SLC25A21: variants seen among roughly 807,000 people sequenced by gnomAD.
The protein encoded by SLC25A21 is solute carrier family 25 member 21, also known as mitochondrial 2-oxodicarboxylate carrier.
In SLC25A21, 47 loss-of-function variants were observed where a neutral mutation model predicts 43.8. The observed-to-expected ratio is 1.07, with a 90% confidence interval of 0.85 to 1.37. The LOEUF (loss-of-function observed/expected upper bound fraction) is 1.37, where lower values mean the gene tolerates loss of function less well. Among genes scored for constraint, SLC25A21 ranks in the 40% most tolerant of loss-of-function variants. The pLI, the probability that SLC25A21 is intolerant of heterozygous loss-of-function variation, is 0.00. For synonymous variants in SLC25A21, 131 were observed against 121.3 expected, an observed-to-expected ratio of 1.08 and a Z score of -0.52; for missense variants, 352 against 350.2, an observed-to-expected ratio of 1.00 and a Z score of -0.04.
intron 1 of SLC25A21, among the ~76,000 whole-genome samples, chr14:37,162,419 A>T (rs192947040): frequency 0.01 from 671 of 64,630 alleles, 1 homozygote; most frequent in Non-Finnish European, 0.012. Context: ...TCCAGAATCT[A>T]CAATGAACTC....
At chr14:36,875,170 G>A (rs1231057176) in intron 1 of SLC25A21, among the ~76,000 whole-genome samples, 166 bp from the exon 2 acceptor site, 2 of 152,222 alleles carry the variant, frequency 1.3e-5, no homozygotes, top group African/African-American at 4.8e-5. Context: ...AGCATAATAT[G>A]ATTTTATTTC....
At chr14:37,148,755 A>T (rs1385894815) in intron 1 of SLC25A21, among the ~76,000 whole-genome samples, 1 of 152,128 alleles carries the variant, frequency 6.6e-6, no homozygotes, top group African/African-American at 2.4e-5. Context: ...AGAGGGGCTC[A>T]CTCTTCATAA....
chr14:36,938,015 A>AT lies in SLC25A21; in HGVS notation c.71-63012dup, dbSNP rs1177254267. On this transcript the variant is annotated intron_variant, in intron 1 of 9. Transcript: ENST00000331299. ...GAAGAACAACTTTTTTTAAAAAAAA[A>AT]TTTTTTTTAATGGCAACTCGATATA... is the stretch of plus-strand genomic sequence containing the variant. Among the ~76,000 whole-genome samples, 7 of 152,080 alleles carry AT rather than the reference A, an allele frequency of 4.6e-5. No individual in the cohort carries two copies. In the South Asian group the frequency reaches 1.0e-3, roughly 23 times the overall value.
At chr14:36,868,927 C>T (rs1002867066) in intron 2 of SLC25A21, among the ~76,000 whole-genome samples, 1 of 152,176 alleles carries the variant, frequency 6.6e-6, no homozygotes, top group Non-Finnish European at 1.5e-5. Flanking sequence ...GTGGCTGCAT[C>T]CTGAGGCTCC....
intron 2 of SLC25A21, among the ~76,000 whole-genome samples, chr14:36,864,474 T>C (rs527750009): frequency 5.3e-5 from 8 of 152,344 alleles, no homozygotes; most frequent in African/African-American, 1.7e-4. Context: ...ATCAATACAG[T>C]ATTGTGGTCC....
intron 1 of SLC25A21, among the ~76,000 whole-genome samples, chr14:36,891,101 C>A (rs1177461702): frequency 2.0e-5 from 3 of 152,196 alleles, no homozygotes; most frequent in South Asian, 4.1e-4. Flanking sequence ...GAATGAAAAA[C>A]CTATTTTAAA....
chr14:36,886,381 C>A (rs1489487749), intron 1 of SLC25A21, among the ~76,000 whole-genome samples: 1 of 152,174 alleles, frequency 6.6e-6, no homozygotes, highest in Non-Finnish European at 1.5e-5. Flanking sequence ...CAAGCCACAG[C>A]CTCCCTTGAA....
chr14:36,952,048 A>T (rs773084510), intron 1 of SLC25A21, among the ~76,000 whole-genome samples: 3 of 152,122 alleles, frequency 2.0e-5, no homozygotes, highest in African/African-American at 2.4e-5. Context: ...AGCCTGGCCA[A>T]CATGATGAAA....
At chr14:36,819,851 C>T (rs563639498) in intron 2 of SLC25A21, among the ~76,000 whole-genome samples, 1 of 151,974 alleles carries the variant, frequency 6.6e-6, no homozygotes, top group Non-Finnish European at 1.5e-5. Context: ...GCCTAACACC[C>T]AATCTTTTAA....
intron 1 of SLC25A21, among the ~76,000 whole-genome samples, chr14:36,882,653 C>T (rs886811963): frequency 6.6e-6 from 1 of 152,216 alleles, no homozygotes; most frequent in East Asian, 1.9e-4. Context: ...TCTTGGTGAT[C>T]TCATCCAAAT....
At chr14:36,922,268 C>T (rs1892002362) in intron 1 of SLC25A21, among the ~76,000 whole-genome samples, 1 of 151,996 alleles carries the variant, frequency 6.6e-6, no homozygotes, top group African/African-American at 2.4e-5. Flanking sequence ...AAATATGGAG[C>T]AACTATTTTC....
intron 3 of SLC25A21, among the ~76,000 whole-genome samples, chr14:36,803,035 T>C (rs1887920972): frequency 1.3e-5 from 2 of 152,192 alleles, no homozygotes; most frequent in Non-Finnish European, 1.5e-5. Flanking sequence ...TTATTGAAAT[T>C]TCTTCTTACT....
At chr14:36,827,828 TG>T (rs1481251356) in intron 2 of SLC25A21, among the ~76,000 whole-genome samples, 1 of 152,204 alleles carries the variant, frequency 6.6e-6, no homozygotes, top group African/African-American at 2.4e-5. Flanking sequence ...TTTCTGAAAA[TG>T]TTTTTAAAAT....
At chr14:36,694,276 T>C (rs1251437783) in intron 7 of SLC25A21, among the ~76,000 whole-genome samples, 1 of 152,206 alleles carries the variant, frequency 6.6e-6, no homozygotes, top group Non-Finnish European at 1.5e-5. Flanking sequence ...TATTCCATGG[T>C]GTATATGTGC....
Position 36,680,054 on chromosome 14 carries a change from A to G in SLC25A21, c.*604T>C. ...AAGTAGATGTAGGAAAATAGAGCTG[A>G]TATGTGCATAGTTACTAAAAAAAAC... is the stretch of plus-strand genomic sequence containing the variant. On this transcript the variant is annotated 3_prime_UTR_variant, in exon 10 of 10. Coordinates refer to ENST00000331299, the MANE Select transcript of SLC25A21 (RefSeq NM_030631.4). 1.0e-5 allele frequency: 9 copies of G among 859,188 alleles called. No individual in the cohort carries two copies. The highest frequency in any genetic ancestry group is 1.3e-5 in the Non-Finnish European group (9 of 716,240). 53.2% of individuals were successfully genotyped at this position (859,188 alleles called of 1,614,324 possible).
At chr14:36,892,303 C>G (rs1288932249) in intron 1 of SLC25A21, among the ~76,000 whole-genome samples, 1 of 152,090 alleles carries the variant, frequency 6.6e-6, no homozygotes, top group Non-Finnish European at 1.5e-5. Context: ...TATCTGAACT[C>G]CAATGTTTCT....
chr14:36,818,227 G>C (rs1455053938), intron 2 of SLC25A21, among the ~76,000 whole-genome samples: 1 of 152,176 alleles, frequency 6.6e-6, no homozygotes, highest in Non-Finnish European at 1.5e-5. Flanking sequence ...GGAAGGGAAA[G>C]GGAGAGGGGA....
At chr14:37,162,374 C>A (rs1169377859) in intron 1 of SLC25A21, among the ~76,000 whole-genome samples, 1 of 152,206 alleles carries the variant, frequency 6.6e-6, no homozygotes, top group Non-Finnish European at 1.5e-5. Context: ...CCTAGGTTTT[C>A]TTCTAGGGTT....
intron 3 of SLC25A21, among the ~76,000 whole-genome samples, chr14:36,777,748 G>T (rs923197256): frequency 6.6e-6 from 1 of 152,192 alleles, no homozygotes; most frequent in African/African-American, 2.4e-5. Context: ...CTGGTTCCCA[G>T]AACTGTGAGA....
Sources: allele counts gnomAD v4.1 joint callset (sites outside exome capture counted in the v4.1 genomes callset), GRCh38; gene constraint gnomAD v4.1.1; transcripts MANE v1.5; gene names NCBI Gene and HGNC (gene_info 2026-07-23, HGNC 2026-07-21).